Variants in ARPC1B observed in about 807,000 individuals in gnomAD.
ARPC1B encodes actin-related protein 2/3 complex subunit 1B.
In ARPC1B, 29 loss-of-function variants were observed where a neutral mutation model predicts 46.0. The observed-to-expected ratio is 0.63, with a 90% CI of 0.47 to 0.86. ARPC1B has a LOEUF of 0.86. Ranked by LOEUF, ARPC1B falls within the 40% of genes least tolerant of loss-of-function variation. ARPC1B has a pLI of 0.00. For missense variants in ARPC1B, 469 were observed against 529.4 expected (o/e 0.89, Z 1.12); for synonymous variants, 201 against 213.9 (o/e 0.94, Z 0.53).
intron 3 of ARPC1B, among the ~76,000 whole-genome samples, chr7:99,387,442 CAAAG>C (rs772682846): frequency 1.2e-4 from 18 of 147,106 alleles, no homozygotes; most frequent in African/African-American, 3.3e-4. Context: ...GCAATAAAAA[CAAAG>C]AAAGAAAGAG....
intron 1 of ARPC1B, among the ~76,000 whole-genome samples, chr7:99,380,403 C>T (rs1404499132): frequency 6.6e-6 from 1 of 152,078 alleles, no homozygotes; most frequent in African/African-American, 2.4e-5. Flanking sequence ...CTTCCTGTCT[C>T]TCGCCCCCTT....
intron 8 of ARPC1B, 97 bp from the exon 9 acceptor site, chr7:99,393,932 C>G: frequency 8.0e-7 from 1 of 1,251,114 alleles, no homozygotes. Flanking sequence ...CACTAAAGCC[C>G]GCTCCCCAAG....
chr7:99,393,157 G>T (rs937429286), intron 8 of ARPC1B, among the ~76,000 whole-genome samples: 1 of 152,212 alleles, frequency 6.6e-6, no homozygotes, highest in Admixed American at 6.5e-5. Context: ...GTCGCGTAGC[G>T]GGCCCAGGGT....
At chr7:99,389,243 ATATT>A (rs1162886082) in intron 4 of ARPC1B, 1 of 140,034 alleles carries the variant, frequency 7.1e-6, no homozygotes, top group Non-Finnish European at 1.6e-5. Context: ...GGCCATATAT[ATATT>A]TTTGAGACAA....
chr7:99,393,983 AG>A, intron 8 of ARPC1B, 45 bp from the exon 9 acceptor site: 3 of 1,595,116 alleles, frequency 1.9e-6, no homozygotes, highest in Non-Finnish European at 2.6e-6. Flanking sequence ...GCCTGAGCCC[AG>A]CGCCAGCACA....
chr7:99,392,669 A>G lies in ARPC1B; in HGVS notation c.784-2A>G. 1 of 1,513,024 alleles carries G rather than the reference A, an allele frequency of 6.6e-7. No homozygotes were observed. The highest frequency in any genetic ancestry group is 8.9e-7 in the Non-Finnish European group (1 of 1,123,890). The allele number at this position is 1,513,024 out of a possible 1,614,324, so 93.7% of individuals were successfully genotyped here. On this transcript the variant is annotated splice_acceptor_variant, in intron 7 of 9. Coordinates refer to ENST00000646101, the MANE Select transcript of ARPC1B (RefSeq NM_005720.4). LOFTEE classifies it high-confidence loss of function. ...CTCCAATGGCCCCCGCCCTCCGCGCAGGGCCACGACTGCTTCCCGGTGCTG... is the reference window on the plus strand; with the variant it reads ...CTCCAATGGCCCCCGCCCTCCGCGCGGGGCCACGACTGCTTCCCGGTGCTG...
At chr7:99,392,978 G>A in intron 8 of ARPC1B, 102 bp downstream of exon 8, 2 of 1,248,728 alleles carry the variant, frequency 1.6e-6, no homozygotes, top group Non-Finnish European at 2.1e-6. Context: ...GGGGCATTGT[G>A]CTGGGACCTT....
At chr7:99,375,459 G>A (rs564300261) in intron 1 of ARPC1B, among the ~76,000 whole-genome samples, 1 of 152,324 alleles carries the variant, frequency 6.6e-6, no homozygotes, top group South Asian at 2.1e-4. Context: ...TCCGCGGCCA[G>A]GGCAGATCCG....
Position 99,394,108 on chromosome 7 carries a change from T to C in ARPC1B, c.1069T>C (p.Trp357Arg). 1 of 1,613,586 alleles carries C rather than the reference T, an allele frequency of 6.2e-7. No individual in the cohort carries two copies. Among genetic ancestry groups the C allele is most frequent in the Non-Finnish European group, 8.5e-7 (1 of 1,180,010 alleles). Reference protein sequence around the residue: ...TTGMDGGMSIWDVKSLESALK... With the variant: ...TTGMDGGMSIRDVKSLESALK... ...TGGCATGGATGGCGGCATGAGTATC[T>C]GGGATGTGAAGGTGAGGCTTGCCCC... Residue 357 changes from tryptophan to arginine, a missense_variant, in exon 9 of 10, where the codon TGG becomes CGG. Transcript: ENST00000646101.
chr7:99,390,758 C>T (rs942050404), intron 5 of ARPC1B, 135 bp from the exon 6 acceptor site: 12 of 700,102 alleles, frequency 1.7e-5, no homozygotes, highest in Admixed American at 2.9e-5. Context: ...AGCACAGTAG[C>T]GCAATCACAG....
chr7:99,380,573 GC>G (rs1389492020), intron 1 of ARPC1B, among the ~76,000 whole-genome samples: 1 of 152,126 alleles, frequency 6.6e-6, no homozygotes, highest in Non-Finnish European at 1.5e-5. Context: ...CCCCTCCTCT[GC>G]CCCTTGAGTA....
At chr7:99,375,570 C>G (rs1250404560) in intron 1 of ARPC1B, among the ~76,000 whole-genome samples, 1 of 118,936 alleles carries the variant, frequency 8.4e-6, no homozygotes, top group African/African-American at 7.5e-5. Flanking sequence ...ATCAGGAGTG[C>G]AAGCCTGGGG....
At chr7:99,386,871 A>G in intron 3 of ARPC1B, 82 bp downstream of exon 3, 1 of 1,011,350 alleles carries the variant, frequency 9.9e-7, no homozygotes, top group South Asian at 1.4e-5. Flanking sequence ...ATGGCCACTC[A>G]TTGTGGAGCA....
intron 8 of ARPC1B, 77 bp downstream of exon 8, chr7:99,392,953 T>TGG: frequency 1.5e-6 from 2 of 1,370,176 alleles, no homozygotes; most frequent in African/African-American, 2.9e-5. Context: ...GGAAGGGGCC[T>TGG]GGAGTCTTCC....
At chr7:99,382,402 GAA>G (rs112909636) in intron 1 of ARPC1B, among the ~76,000 whole-genome samples, 29 of 93,344 alleles carry the variant, frequency 3.1e-4, no homozygotes, top group African/African-American at 9.0e-4. Context: ...ACTTCATCTC[GAA>G]AAAAAAAAAA....
intron 1 of ARPC1B, 65 bp from the exon 2 acceptor site, chr7:99,385,637 G>A: frequency 7.1e-7 from 1 of 1,403,240 alleles, no homozygotes. Flanking sequence ...CTGGGGCCTG[G>A]TATGGGTGAA....
intron 8 of ARPC1B, among the ~76,000 whole-genome samples, chr7:99,393,261 C>T (rs998525740): frequency 6.6e-6 from 1 of 152,232 alleles, no homozygotes; most frequent in Non-Finnish European, 1.5e-5. Context: ...CTAGTGGAGC[C>T]TGGGAGGGAC....
At position 99,394,584 on chromosome 7, in the gene ARPC1B, T is replaced by C; in HGVS notation, c.*95T>C. 1.3e-6 allele frequency: 2 copies of C among 1,596,020 alleles called. No homozygotes were observed. Among genetic ancestry groups the C allele is most frequent in the East Asian group, 4.5e-5 (2 of 44,476 alleles). On this transcript the variant is annotated 3_prime_UTR_variant, in exon 10 of 10. Coordinates refer to ENST00000646101, the MANE Select transcript of ARPC1B (RefSeq NM_005720.4). ...GTTGCTTTGCTGAATGTTTCTGGGG[T>C]ACCAATACGAGTTCCCATAGGGGCT...
At chr7:99,381,751 C>T (rs1414090096) in intron 1 of ARPC1B, among the ~76,000 whole-genome samples, 1 of 152,192 alleles carries the variant, frequency 6.6e-6, no homozygotes. Context: ...GTTGTGACCT[C>T]GGGCAGGCTG....
Sources: allele counts gnomAD v4.1 joint callset (sites outside exome capture counted in the v4.1 genomes callset), GRCh38; gene constraint gnomAD v4.1.1; transcripts MANE v1.5; gene names NCBI Gene and HGNC (gene_info 2026-07-23, HGNC 2026-07-21).